ZMAT4: variants seen among roughly 807,000 people sequenced by gnomAD.
The protein encoded by ZMAT4 is zinc finger matrin-type protein 4.
Under a neutral mutation model 28.7 loss-of-function variants are expected in ZMAT4, and 17 were observed. The observed-to-expected ratio is 0.59, with a 90% CI of 0.41 to 0.89. The LOEUF (loss-of-function observed/expected upper bound fraction) is 0.89, where lower values mean the gene tolerates loss of function less well. ZMAT4 is among the 40% of genes least tolerant of loss of function. The pLI is 0.00. For missense variants in ZMAT4, 240 were observed against 283.8 expected (o/e 0.85, Z 1.11); for synonymous variants, 117 against 109.2 (o/e 1.07, Z -0.44).
At chr8:40,866,040 G>T (rs977064700) in intron 1 of ZMAT4, among the ~76,000 whole-genome samples, 4 of 152,212 alleles carry the variant, frequency 2.6e-5, no homozygotes, top group African/African-American at 9.6e-5. Context: ...TGAAAGCAGG[G>T]ATCAACAATT....
At chr8:40,711,891 A>C (rs781106263) in intron 3 of ZMAT4, among the ~76,000 whole-genome samples, 8 of 152,216 alleles carry the variant, frequency 5.3e-5, no homozygotes, top group Non-Finnish European at 1.2e-4. Context: ...GGTAGTGGTT[A>C]TAATAGTGTT....
chr8:40,551,023 GCCATTGTAT>G (rs1803354114), intron 6 of ZMAT4, among the ~76,000 whole-genome samples: 1 of 152,018 alleles, frequency 6.6e-6, no homozygotes, highest in Non-Finnish European at 1.5e-5. Flanking sequence ...CACCTGAAAT[GCCATTGTAT>G]CTATTATGCT....
At chr8:40,559,470 C>A (rs537268973) in intron 6 of ZMAT4, among the ~76,000 whole-genome samples, 2 of 152,216 alleles carry the variant, frequency 1.3e-5, no homozygotes, top group Non-Finnish European at 2.9e-5. Flanking sequence ...CATACCTCCT[C>A]CTATAACCTG....
Position 40,650,620 on chromosome 8 carries a change from C to CAA in ZMAT4, c.577+24082_577+24083dup, listed in dbSNP as rs199592021. ...ATACCAAAACCAGGCAGAGACACAA[C>CAA]AAAAAAAGAGAATTTTAGACCAATA... On this transcript the variant is annotated intron_variant, in intron 5 of 6. Coordinates refer to ENST00000297737, the MANE Select transcript of ZMAT4 (RefSeq NM_024645.3). 2.6e-4 allele frequency among the ~76,000 whole-genome samples: 29 copies of CAA among 110,214 alleles called. 1 individual carries two copies. Among genetic ancestry groups the CAA allele is most frequent in the East Asian group, 6.1e-4 (2 of 3,268 alleles). 72.3% of individuals were successfully genotyped at this position (110,214 alleles called of 152,430 possible).
intron 4 of ZMAT4, among the ~76,000 whole-genome samples, chr8:40,687,600 A>G (rs1809471190): frequency 6.6e-6 from 1 of 152,200 alleles, no homozygotes; most frequent in African/African-American, 2.4e-5. Flanking sequence ...ATATTAAATC[A>G]TCAGGTTTCA....
chr8:40,593,687 C>G (rs1804969165), intron 5 of ZMAT4, among the ~76,000 whole-genome samples: 2 of 152,208 alleles, frequency 1.3e-5, no homozygotes, highest in Non-Finnish European at 2.9e-5. Context: ...CCAGACTCAA[C>G]TAGGACTCGA....
At chr8:40,591,436 C>G (rs1232621031) in intron 5 of ZMAT4, among the ~76,000 whole-genome samples, 1 of 152,184 alleles carries the variant, frequency 6.6e-6, no homozygotes, top group Non-Finnish European at 1.5e-5. Flanking sequence ...AGGACCCAAT[C>G]TATCCTGCAG....
intron 1 of ZMAT4, among the ~76,000 whole-genome samples, chr8:40,877,616 A>G (rs948895809): frequency 6.6e-6 from 1 of 152,226 alleles, no homozygotes; most frequent in Non-Finnish European, 1.5e-5. Context: ...GAAAGAAACA[A>G]AACCACAGAT....
At position 40,797,679 on chromosome 8, in the gene ZMAT4, G is replaced by A. The variant is rs553162239; in HGVS notation, c.102+27896C>T. ...GATATCTACCACTTGACAGGTCATCGGAAGAAAGAAATGACAGGATGCACA... is the reference window on the plus strand; with the variant it reads ...GATATCTACCACTTGACAGGTCATCAGAAGAAAGAAATGACAGGATGCACA... On this transcript the variant is annotated intron_variant, in intron 2 of 6. Transcript: ENST00000297737. Among the ~76,000 whole-genome samples the A allele has an allele frequency of 9.8e-5, 15 of 152,294 alleles. No homozygotes were observed. The South Asian group carries it at 2.1e-3, about 21-fold the overall frequency.
At chr8:40,538,551 A>G (rs1432410269) in intron 6 of ZMAT4, among the ~76,000 whole-genome samples, 1 of 152,176 alleles carries the variant, frequency 6.6e-6, no homozygotes, top group Non-Finnish European at 1.5e-5. Flanking sequence ...AATATTTTAC[A>G]GAGTTTAACT....
At chr8:40,745,548 A>C (rs573074321) in intron 3 of ZMAT4, among the ~76,000 whole-genome samples, 3 of 152,300 alleles carry the variant, frequency 2.0e-5, no homozygotes, top group African/African-American at 7.2e-5. Context: ...TGAGTTTACA[A>C]GGTCCTTTCC....
intron 4 of ZMAT4, among the ~76,000 whole-genome samples, chr8:40,678,309 A>T (rs928575097): frequency 6.6e-6 from 1 of 152,210 alleles, no homozygotes; most frequent in Non-Finnish European, 1.5e-5. Flanking sequence ...TCACCATAAC[A>T]TAAAAGAATC....
intron 2 of ZMAT4, among the ~76,000 whole-genome samples, chr8:40,785,449 C>A (rs956970290): frequency 6.6e-6 from 1 of 152,158 alleles, no homozygotes; most frequent in East Asian, 1.9e-4. Context: ...GTCCAAAAAA[C>A]GCTCCTTGGT....
At chr8:40,571,938 G>C (rs1327519986) in intron 6 of ZMAT4, among the ~76,000 whole-genome samples, 1 of 151,976 alleles carries the variant, frequency 6.6e-6, no homozygotes, top group Admixed American at 6.6e-5. Flanking sequence ...CTTGGTTATT[G>C]GGTTTCTTGG....
At chr8:40,578,935 T>C (rs1804360795) in intron 6 of ZMAT4, among the ~76,000 whole-genome samples, 1 of 152,222 alleles carries the variant, frequency 6.6e-6, no homozygotes, top group Non-Finnish European at 1.5e-5. Flanking sequence ...ATGGAGTAAG[T>C]GGAGACATAA....
At chr8:40,728,805 T>C (rs947961076) in intron 3 of ZMAT4, among the ~76,000 whole-genome samples, 7 of 152,206 alleles carry the variant, frequency 4.6e-5, no homozygotes, top group African/African-American at 1.7e-4. Flanking sequence ...CCAACCATTT[T>C]TTTTTCTACC....
At chr8:40,583,545 A>T (rs1299265401) in intron 5 of ZMAT4, among the ~76,000 whole-genome samples, 1 of 152,204 alleles carries the variant, frequency 6.6e-6, no homozygotes, top group Admixed American at 6.5e-5. Flanking sequence ...TCTGTGAAAA[A>T]GTCATGAAAT....
chr8:40,759,569 G>C (rs1203783748), intron 3 of ZMAT4, among the ~76,000 whole-genome samples: 1 of 152,114 alleles, frequency 6.6e-6, no homozygotes. Context: ...AACTGAATCG[G>C]CTGACAACTT....
intron 1 of ZMAT4, among the ~76,000 whole-genome samples, chr8:40,832,100 G>T (rs1033865673): frequency 5.3e-5 from 8 of 152,188 alleles, no homozygotes; most frequent in Non-Finnish European, 1.0e-4. Flanking sequence ...CCCCTACTCT[G>T]GGCCTCTGTC....
Sources: allele counts gnomAD v4.1 joint callset (sites outside exome capture counted in the v4.1 genomes callset), GRCh38; gene constraint gnomAD v4.1.1; transcripts MANE v1.5; gene names NCBI Gene and HGNC (gene_info 2026-07-23, HGNC 2026-07-21).